Variants in TOP1MT observed in about 807,000 individuals in gnomAD.
TOP1MT encodes the protein DNA topoisomerase I, mitochondrial.
Under a neutral mutation model 73.9 loss-of-function variants are expected in TOP1MT, and 80 were observed. The ratio of observed to expected loss-of-function variants is 1.08; its 90% CI spans 0.90 to 1.30. The LOEUF (loss-of-function observed/expected upper bound fraction) is 1.30. TOP1MT is among the 50% of genes most tolerant of loss of function. The probability of loss-of-function intolerance (pLI) is 0.00; values close to 1 mark genes in which losing one functional copy is unlikely to be tolerated. For missense variants in TOP1MT, 815 were observed against 808.0 expected (o/e 1.01, Z -0.10); for synonymous variants, 338 against 326.4 (o/e 1.04, Z -0.38).
rs181266576 is a variant in TOP1MT at position 143,354,845 on chromosome 8, G to A, written c.-39+1120C>T. ...CAAGTCCGGGGCTGCTGCATGGTCA[G>A]ACCACACTTAAGGACAGGAAAAAAA... On this transcript the variant is annotated intron_variant, in intron 1 of 5. Coordinates refer to the TOP1MT transcript ENST00000518760. 4.9e-4 allele frequency among the ~76,000 whole-genome samples: 75 copies of A among 151,908 alleles called. 1 individual carries two copies. The highest frequency in any genetic ancestry group is 1.0e-4 in the Non-Finnish European group (7 of 67,992).
intron 2 of TOP1MT, among the ~76,000 whole-genome samples, chr8:143,342,828 A>G (rs1015552769): frequency 7.6e-6 from 1 of 132,344 alleles, no homozygotes; most frequent in Non-Finnish European, 1.6e-5. Flanking sequence ...TCTGTCACCC[A>G]GGCTGGAGTG....
At chr8:143,334,960 G>GC, upstream of TOP1MT, 1 of 1,179,080 alleles carries the variant, frequency 8.5e-7, no homozygotes, top group Admixed American at 4.7e-5. Flanking sequence ...CGCGGCCTCC[G>GC]CCCCCAGCGG....
At chr8:143,330,744 G>A (rs1816830234) in intron 2 of TOP1MT, among the ~76,000 whole-genome samples, 1 of 152,182 alleles carries the variant, frequency 6.6e-6, no homozygotes, top group Non-Finnish European at 1.5e-5. Flanking sequence ...AGGGCAGGAG[G>A]GGTGTGTGGG....
At chr8:143,332,483 C>A in intron 1 of TOP1MT, 1 of 1,289,044 alleles carries the variant, frequency 7.8e-7, no homozygotes, top group South Asian at 1.2e-5. Context: ...GATCACACCC[C>A]CACCTGCCAG....
At chr8:143,346,201 C>T (rs763219493), upstream of TOP1MT, among the ~76,000 whole-genome samples, 3 of 152,192 alleles carry the variant, frequency 2.0e-5, no homozygotes, top group African/African-American at 4.8e-5. Flanking sequence ...AGAACAGCTC[C>T]GAAGGCAATG....
chr8:143,354,949 G>T (rs1358711030), intron 1 of TOP1MT, among the ~76,000 whole-genome samples: 4 of 152,194 alleles, frequency 2.6e-5, no homozygotes, highest in Non-Finnish European at 4.4e-5. Context: ...AAACAGTCAC[G>T]CAATTTTGTG....
upstream of TOP1MT, among the ~76,000 whole-genome samples, chr8:143,336,003 G>A (rs931107924): frequency 2.6e-5 from 4 of 152,234 alleles, no homozygotes; most frequent in Non-Finnish European, 5.9e-5. Context: ...TGACTCTCCA[G>A]GTGGGCCACC....
Position 143,317,838 on chromosome 8 carries a change from C to G in TOP1MT, c.1216-1G>C, listed in dbSNP as rs1816216530. On this transcript the variant is annotated splice_acceptor_variant, in intron 9 of 13. Coordinates refer to ENST00000329245, the MANE Select transcript of TOP1MT (RefSeq NM_052963.3). LOFTEE classifies it high-confidence loss of function. ...GGAGGTGCTTGTTCAGGCTGGTCGTCTGGGGAGGAAAATGGTCTCTATAAT... is the reference window on the plus strand; with the variant it reads ...GGAGGTGCTTGTTCAGGCTGGTCGTGTGGGGAGGAAAATGGTCTCTATAAT... 1.2e-6 allele frequency: 2 copies of G among 1,614,088 alleles called. No individual in the cohort carries two copies. Among genetic ancestry groups the G allele is most frequent in the Non-Finnish European group, 1.7e-6 (2 of 1,179,972 alleles).
intron 1 of TOP1MT, among the ~76,000 whole-genome samples, chr8:143,351,882 G>A (rs1012207401): frequency 6.6e-6 from 1 of 152,138 alleles, no homozygotes; most frequent in Non-Finnish European, 1.5e-5. Flanking sequence ...TCAGGAGTTC[G>A]AGACCAGCCT....
Position 143,326,237 on chromosome 8 carries a change from G to C in TOP1MT, c.468C>G (p.Ser156Arg). The C allele has an allele frequency of 6.2e-7, 1 of 1,613,892 alleles. No individual in the cohort carries two copies. Among genetic ancestry groups the C allele is most frequent in the Non-Finnish European group, 8.5e-7 (1 of 1,180,024 alleles). The change falls in exon 4 of 14, where the codon AGC becomes AGG. Residue 156 changes from serine to arginine, a missense_variant. Physicochemically the swap from Ser to Arg is moderately radical, Grantham distance 110 (BLOSUM62 -1). Around this residue, in one of 3 missense-constraint regions of TOP1MT, gnomAD observed 751 missense variants for 725.4 expected, o/e 1.04. Coordinates refer to ENST00000329245, the MANE Select transcript of TOP1MT (RefSeq NM_052963.3). ...VDKAAARKVL[S>R]REEKQKLKEE... Reference sequence around the variant, plus strand: ...GCAGCCCAACCTGCTTCTCCTCCCTGCTCAGGACTTTCCGGGCTGCGGCCT... The same window carrying C: ...GCAGCCCAACCTGCTTCTCCTCCCTCCTCAGGACTTTCCGGGCTGCGGCCT...
intron 12 of TOP1MT, among the ~76,000 whole-genome samples, chr8:143,315,003 G>A (rs921132602): frequency 6.6e-6 from 1 of 152,160 alleles, no homozygotes; most frequent in African/African-American, 2.4e-5. Context: ...TAGCGGTAAC[G>A]CCAGCGTCTG....
rs547418113 is a variant in TOP1MT, at chr8:143,325,623, C to T, written c.484-90G>A. The T allele has an allele frequency of 4.0e-6, 5 of 1,261,132 alleles. No individual in the cohort carries two copies. In the East Asian group the frequency reaches 7.1e-5, roughly 18 times the overall value. The allele number at this position is 1,261,132 out of a possible 1,614,324, so 78.1% of individuals were successfully genotyped here. On this transcript the variant is annotated intron_variant, in intron 4 of 13. Transcript: ENST00000329245. ...GTTGCTAACCCGGGACCACCCTGCT[C>T]TGTCTGGCTAACTCAGCTGGACCCT...
upstream of TOP1MT, among the ~76,000 whole-genome samples, chr8:143,347,312 G>A (rs1272683709): frequency 6.6e-6 from 1 of 152,164 alleles, no homozygotes; most frequent in East Asian, 1.9e-4. Flanking sequence ...CCGCCACCAT[G>A]CCCAACAAAC....
At chr8:143,328,993 T>C (rs969304164) in intron 3 of TOP1MT, among the ~76,000 whole-genome samples, 18 of 152,146 alleles carry the variant, frequency 1.2e-4, no homozygotes, top group African/African-American at 4.1e-4. Context: ...GGAAATGGCA[T>C]GCGGCCTCCT....
intron 13 of TOP1MT, chr8:143,309,760 G>A (rs10091561): frequency 0.45 from 683,911 of 1,533,164 alleles, 162,310 homozygotes; most frequent in East Asian, 0.7. Context: ...TGGCCTAGGT[G>A]TCCACCGAGC....
In TOP1MT at chr8:143,321,613, C is replaced by T. The variant is rs958168582; in HGVS notation, c.961-227G>A. 4.9e-4 allele frequency among the ~76,000 whole-genome samples: 31 copies of T among 63,468 alleles called. 3 individuals carry two copies. Among genetic ancestry groups the T allele is most frequent in the African/African-American group, 2.0e-3 (23 of 11,304 alleles). 41.6% of individuals were successfully genotyped at this position (63,468 alleles called of 152,430 possible). On this transcript the variant is annotated intron_variant, in intron 7 of 13. Coordinates refer to ENST00000329245, the MANE Select transcript of TOP1MT (RefSeq NM_052963.3). ...CACGCACGCACGCCACACGCACGCACGCCACACGCACGCCACACACAGGCA... is the reference window on the plus strand; with the variant it reads ...CACGCACGCACGCCACACGCACGCATGCCACACGCACGCCACACACAGGCA...
chr8:143,333,374 A>G (rs1259782754), intron 1 of TOP1MT, among the ~76,000 whole-genome samples: 2 of 152,172 alleles, frequency 1.3e-5, no homozygotes, highest in East Asian at 3.9e-4. Context: ...ACTTGAACCC[A>G]GGAGGCAGAG....
chr8:143,346,703 A>G (rs1817226466), upstream of TOP1MT, among the ~76,000 whole-genome samples: 1 of 152,226 alleles, frequency 6.6e-6, no homozygotes, highest in Non-Finnish European at 1.5e-5. Context: ...CAATTTATAA[A>G]GAACACAAAT....
chr8:143,320,059 G>C (rs977651262), intron 8 of TOP1MT, among the ~76,000 whole-genome samples: 1 of 151,884 alleles, frequency 6.6e-6, no homozygotes, highest in Non-Finnish European at 1.5e-5. Context: ...AGGAGGCGGA[G>C]GTCGCAGTCA....
Sources: gnomAD v4.1 joint callset for allele counts (sites outside exome capture counted in the v4.1 genomes callset) on GRCh38, gnomAD v4.1.1 for gene constraint, gnomAD v4.1.1 regional missense constraint, MANE v1.5 for transcripts, NCBI Gene and HGNC (gene_info 2026-07-23, HGNC 2026-07-21) for gene names.